Variants in EIF2B3 observed in about 807,000 individuals in gnomAD.
EIF2B3 encodes the protein eukaryotic translation initiation factor 2B subunit gamma.
In EIF2B3, 20 loss-of-function variants were observed where a neutral mutation model predicts 54.1. The ratio of observed to expected loss-of-function variants is 0.37; its 90% CI spans 0.26 to 0.54. EIF2B3 has a LOEUF of 0.54. Among genes scored for constraint, EIF2B3 ranks in the 20% least tolerant of loss-of-function variants. EIF2B3 has a pLI of 0.86. For synonymous variants in EIF2B3, 153 were observed against 188.1 expected (o/e 0.81, Z 1.52); for missense variants, 448 against 547.8 (o/e 0.82, Z 1.82).
chr1:44,961,523 T>A (rs1644284786), intron 3 of EIF2B3, among the ~76,000 whole-genome samples: 1 of 151,812 alleles, frequency 6.6e-6, no homozygotes, highest in Non-Finnish European at 1.5e-5. Flanking sequence ...ACAAAAATAA[T>A]TTTTTAAATT....
At chr1:44,875,907 G>A (rs1655113390) in intron 8 of EIF2B3, among the ~76,000 whole-genome samples, 1 of 152,192 alleles carries the variant, frequency 6.6e-6, no homozygotes, top group Admixed American at 6.5e-5. Flanking sequence ...GCCTCAGCCT[G>A]CCGACTGCCT....
At chr1:44,906,590 G>T (rs897447848) in intron 5 of EIF2B3, among the ~76,000 whole-genome samples, 1 of 152,184 alleles carries the variant, frequency 6.6e-6, no homozygotes, top group African/African-American at 2.4e-5. Context: ...AGTAGAGACA[G>T]GGTTTCATTA....
intron 6 of EIF2B3, among the ~76,000 whole-genome samples, chr1:44,892,661 TA>T (rs1655835668): frequency 6.6e-6 from 1 of 152,136 alleles, no homozygotes; most frequent in Non-Finnish European, 1.5e-5. Context: ...CTAATATTAC[TA>T]ATATTTCTAG....
chr1:44,891,065 T>TAC (rs1655781790), intron 6 of EIF2B3, among the ~76,000 whole-genome samples: 1 of 151,538 alleles, frequency 6.6e-6, no homozygotes, highest in African/African-American at 2.4e-5. Flanking sequence ...CTATCCTTCA[T>TAC]ACGGTAGATG....
chr1:44,939,970 A>AG (rs1644002538), intron 4 of EIF2B3, among the ~76,000 whole-genome samples: 1 of 152,194 alleles, frequency 6.6e-6, no homozygotes, highest in Non-Finnish European at 1.5e-5. Flanking sequence ...ACCTTGCAAA[A>AG]GCAGAAACTA....
chr1:44,978,360 G>A lies in EIF2B3; in HGVS notation c.249C>T (p.Asp83=), dbSNP rs1390904448. 1.2e-6 allele frequency: 2 copies of A among 1,613,946 alleles called. No homozygotes were observed. Among genetic ancestry groups the A allele is most frequent in the Admixed American group, 1.7e-5 (1 of 59,984 alleles). Residue 83 remains aspartate (D), a synonymous_variant, in exon 3 of 12, where the codon GAC becomes GAT. Transcript: ENST00000360403. ...PDIVCIPDDA[D]MGTADSLRYI... ...AGCGCAAAGAATCTGCAGTTCCCAT[G>A]TCAGCGTCATCAGGAATACACACAA...
chr1:44,907,466 G>A (rs947759212), intron 5 of EIF2B3, among the ~76,000 whole-genome samples: 2 of 152,212 alleles, frequency 1.3e-5, no homozygotes, highest in Non-Finnish European at 2.9e-5. Context: ...GCTGAGGCAG[G>A]AGAATTGCTT....
At chr1:44,943,505 G>A (rs565766663) in intron 3 of EIF2B3, among the ~76,000 whole-genome samples, 2 of 151,170 alleles carry the variant, frequency 1.3e-5, no homozygotes, top group Non-Finnish European at 2.9e-5. Flanking sequence ...CTGCAGCCTC[G>A]ACTTCCTGGG....
Position 44,941,509 on chromosome 1 carries a change from C to CT in EIF2B3, c.450dup (p.Ala151SerfsTer6), listed in dbSNP as rs748937918. On this transcript the variant is annotated frameshift_variant, in exon 4 of 12. Transcript: ENST00000360403. LOFTEE classifies it high-confidence loss of function. ...AACAAACTCCAATCTTCCTTACCTG[C>CT]TTTTTTTTTCCCCTTTTGACCGGGA... is the stretch of plus-strand genomic sequence containing the variant. The CT allele has an allele frequency of 7.8e-5, 124 of 1,590,498 alleles. No individual in the cohort carries two copies. Among genetic ancestry groups the CT allele is most frequent in the Admixed American group, 1.0e-4 (6 of 57,148 alleles).
chr1:44,881,889 T>A lies in EIF2B3; in HGVS notation c.657-150A>T. ...ATCAAATGTGGCATTGACTTGGCAG[T>A]TCGGAGAAGCAGAGTGCTTCCTGGT... On this transcript the variant is annotated intron_variant, in intron 6 of 11. Coordinates refer to ENST00000360403, the MANE Select transcript of EIF2B3 (RefSeq NM_020365.5). The surrounding 1 kb of genome is among the most constrained non-coding windows in gnomAD (Gnocchi z 4.0). 1 of 1,070,482 alleles carries A rather than the reference T, an allele frequency of 9.3e-7. No homozygotes were observed. The highest frequency in any genetic ancestry group is 1.4e-6 in the Non-Finnish European group (1 of 730,064). 66.3% of individuals were successfully genotyped at this position (1,070,482 alleles called of 1,614,324 possible).
intron 5 of EIF2B3, among the ~76,000 whole-genome samples, chr1:44,902,874 C>T (rs908741918): frequency 2.0e-4 from 27 of 133,914 alleles, no homozygotes; most frequent in African/African-American, 6.5e-4. Flanking sequence ...CCCAAAGAAG[C>T]GGCTGCCTGC....
chr1:44,911,088 C>A (rs1055491101), intron 5 of EIF2B3, among the ~76,000 whole-genome samples: 1 of 152,154 alleles, frequency 6.6e-6, no homozygotes, highest in African/African-American at 2.4e-5. Flanking sequence ...TTTGGAAATT[C>A]AGCGTTTTAA....
chr1:44,886,764 T>C (rs1443090732), intron 6 of EIF2B3, among the ~76,000 whole-genome samples: 2 of 152,254 alleles, frequency 1.3e-5, no homozygotes, highest in African/African-American at 2.4e-5. Context: ...TCACTTCTGA[T>C]TTCTGTACGT....
At chr1:44,955,608 CTAT>C (rs1370219805) in intron 3 of EIF2B3, among the ~76,000 whole-genome samples, 1 of 152,050 alleles carries the variant, frequency 6.6e-6, no homozygotes, top group Admixed American at 6.5e-5. Context: ...ATTTTGCAAT[CTAT>C]CCATCTGACA....
At chr1:44,938,130 A>G (rs1341573593) in intron 4 of EIF2B3, among the ~76,000 whole-genome samples, 2 of 152,040 alleles carry the variant, frequency 1.3e-5, no homozygotes, top group Non-Finnish European at 2.9e-5. Flanking sequence ...AGACTATTAA[A>G]CAATATCTGG....
intron 3 of EIF2B3, among the ~76,000 whole-genome samples, chr1:44,942,407 ATATATATATATTTTTTTTTTTTT>A (rs1557697013): frequency 5.7e-5 from 1 of 17,642 alleles, no homozygotes; most frequent in Non-Finnish European, 9.1e-5. Flanking sequence ...ATATATATAT[ATATATATATATTTTTTTTTTTTT>A]TTTTTTTTTT....
chr1:44,936,433 A>T (rs552066766), intron 4 of EIF2B3, among the ~76,000 whole-genome samples: 1 of 151,984 alleles, frequency 6.6e-6, no homozygotes, highest in East Asian at 1.9e-4. Context: ...TACAAAAAAA[A>T]AAAAAAAATT....
At chr1:44,984,802 T>TTTTTTTTTTC (rs1644553321) in intron 1 of EIF2B3, among the ~76,000 whole-genome samples, 1 of 111,976 alleles carries the variant, frequency 8.9e-6, no homozygotes, top group Non-Finnish European at 1.8e-5. Context: ...TCCATCTTTT[T>TTTTTTTTTTC]TTTTTTTTTT....
chr1:44,937,713 C>T (rs1643964636), intron 4 of EIF2B3, among the ~76,000 whole-genome samples: 1 of 151,536 alleles, frequency 6.6e-6, no homozygotes, highest in Admixed American at 6.6e-5. Context: ...GAAACCCCGT[C>T]TCTACTAAAA....
Sources: allele counts gnomAD v4.1 joint callset (sites outside exome capture counted in the v4.1 genomes callset), GRCh38; gene constraint gnomAD v4.1.1; non-coding constraint Gnocchi (gnomAD v3.1); transcripts MANE v1.5; gene names NCBI Gene and HGNC (gene_info 2026-07-23, HGNC 2026-07-21).